Variants in PGM2 observed in about 807,000 individuals in gnomAD.
PGM2 encodes the protein phosphoglucomutase 2.
In PGM2, 57 loss-of-function variants were observed where a neutral mutation model predicts 74.6. The observed-to-expected ratio is 0.76, with a 90% CI of 0.62 to 0.95. The LOEUF is 0.95. PGM2 is among the 40% of genes least tolerant of loss of function. PGM2 has a pLI of 0.00. For synonymous variants in PGM2, 273 were observed against 260.7 expected (o/e 1.05, Z -0.46); for missense variants, 706 against 741.9 (o/e 0.95, Z 0.56).
intron 7 of PGM2, among the ~76,000 whole-genome samples, chr4:37,845,008 A>AT (rs1436791468): frequency 1.3e-5 from 2 of 151,310 alleles, no homozygotes; most frequent in Admixed American, 1.3e-4. Context: ...AGAAGTATGT[A>AT]TATTTGTTAG....
At chr4:37,840,677 G>A (rs545696015) in intron 6 of PGM2, among the ~76,000 whole-genome samples, 2 of 152,150 alleles carry the variant, frequency 1.3e-5, no homozygotes, top group South Asian at 4.2e-4. Flanking sequence ...GAGCCACCAC[G>A]CCCACCCAGC....
intron 6 of PGM2, among the ~76,000 whole-genome samples, chr4:37,841,188 G>GTGTGTGTGTGTGTGTGTGT (rs60419379): frequency 2.8e-5 from 4 of 141,322 alleles, no homozygotes; most frequent in Non-Finnish European, 3.0e-5. Context: ...GTGTGTGTGT[G>GTGTGTGTGTGTGTGTGTGT]GTTTGTTCTG....
At chr4:37,850,123 C>G (rs1725996416) in intron 11 of PGM2, 61 bp from the exon 12 acceptor site, 2 of 949,638 alleles carry the variant, frequency 2.1e-6, no homozygotes, top group Non-Finnish European at 3.2e-6. Flanking sequence ...GGTACATGTT[C>G]TGTGTCCACC....
chr4:37,858,626 A>C (rs924255647), intron 13 of PGM2, among the ~76,000 whole-genome samples: 3 of 151,902 alleles, frequency 2.0e-5, no homozygotes, highest in Non-Finnish European at 4.4e-5. Context: ...TTGGGATTAC[A>C]GGCGTGAGCC....
chr4:37,828,114 T>C (rs1560410208), intron 1 of PGM2, among the ~76,000 whole-genome samples: 1 of 152,206 alleles, frequency 6.6e-6, no homozygotes, highest in Non-Finnish European at 1.5e-5. Context: ...CAGGATGCTA[T>C]TGGCAACTCC....
At position 37,840,082 on chromosome 4, in the gene PGM2, G is replaced by A; in HGVS notation, c.542G>A (p.Gly181Glu). 6.2e-7 allele frequency: 1 copy of A among 1,613,638 alleles called. No individual in the cohort carries two copies. The highest frequency in any genetic ancestry group is 8.5e-7 in the Non-Finnish European group (1 of 1,179,660). ...GTCCTCTAGGTCTATTGGGATAATG[G>A]AGCTCAGATCATTTCTCCTCACGAT... The part of the protein sequence containing the change: ...DNGYKVYWDN[G>E]AQIISPHDKG... The change falls in exon 6 of 14, where the codon GGA becomes GAA. Residue 181 changes from glycine (G) to glutamate (E), a missense_variant. By Grantham distance (98) the Gly-to-Glu change is moderately conservative. Transcript: ENST00000381967.
intron 12 of PGM2, 57 bp from the exon 13 acceptor site, chr4:37,855,551 T>C (rs1306831303): frequency 7.5e-6 from 11 of 1,461,016 alleles, no homozygotes; most frequent in Non-Finnish European, 1.0e-5. Context: ...CAAGAGAAGA[T>C]ATTGGTTAGG....
chr4:37,828,914 G>A (rs1417427815), intron 1 of PGM2, among the ~76,000 whole-genome samples: 2 of 152,198 alleles, frequency 1.3e-5, no homozygotes, highest in African/African-American at 4.8e-5. Flanking sequence ...CAAAAAAGAT[G>A]GGGTTTACTT....
At chr4:37,830,894 G>C (rs145951668) in intron 2 of PGM2, among the ~76,000 whole-genome samples, 9 of 152,136 alleles carry the variant, frequency 5.9e-5, no homozygotes, top group African/African-American at 1.9e-4. Flanking sequence ...TTATCTAAGG[G>C]TATAGAATTA....
At chr4:37,859,128 A>G (rs1282652003) in intron 13 of PGM2, among the ~76,000 whole-genome samples, 2 of 152,186 alleles carry the variant, frequency 1.3e-5, no homozygotes, top group African/African-American at 4.8e-5. Context: ...AACATTTTGC[A>G]ATATTTGCTC....
In PGM2 at chr4:37,855,630, G is replaced by C; in HGVS notation, c.1625G>C (p.Ser542Thr). Residue 542 changes from serine (S) to threonine (T), a missense_variant, in exon 13 of 14, where the codon AGC (serine) becomes ACC (threonine). Transcript: ENST00000381967. Reference sequence around the variant, plus strand: ...TAGGTTCTTCCCACTAGTAAAAGCAGCCAAATGATCACCTTCACCTTTGCT... The same window carrying C: ...TAGGTTCTTCCCACTAGTAAAAGCACCCAAATGATCACCTTCACCTTTGCT... ...KKAVLPTSKS[S>T]QMITFTFANG... 6.2e-7 allele frequency: 1 copy of C among 1,613,888 alleles called. No homozygotes were observed. The highest frequency in any genetic ancestry group is 8.5e-7 in the Non-Finnish European group (1 of 1,179,908).
intron 6 of PGM2, among the ~76,000 whole-genome samples, chr4:37,841,158 T>TGTG (rs1577676435): frequency 5.9e-5 from 6 of 101,456 alleles, no homozygotes; most frequent in Non-Finnish European, 1.1e-4. Context: ...ATAGGAATAT[T>TGTG]TGTGTGTGTG....
chr4:37,854,361 C>A (rs981894898), intron 12 of PGM2, among the ~76,000 whole-genome samples: 2 of 147,938 alleles, frequency 1.4e-5, no homozygotes, highest in Non-Finnish European at 3.0e-5. Context: ...TTTTTCTTTT[C>A]TTTTTTGGAG....
At chr4:37,847,320 G>C in intron 10 of PGM2, 25 bp downstream of exon 10, 1 of 1,507,034 alleles carries the variant, frequency 6.6e-7, no homozygotes, top group South Asian at 1.1e-5. Context: ...TGAACATTAA[G>C]GAATTGGCTG....
At chr4:37,847,353 G>A in intron 10 of PGM2, 58 bp downstream of exon 10, 1 of 1,269,064 alleles carries the variant, frequency 7.9e-7, no homozygotes, top group Non-Finnish European at 1.1e-6. Flanking sequence ...AAAAGGTTTG[G>A]ATTGGGATTC....
At chr4:37,855,097 A>G (rs941547519) in intron 12 of PGM2, among the ~76,000 whole-genome samples, 3 of 152,200 alleles carry the variant, frequency 2.0e-5, no homozygotes, top group African/African-American at 4.8e-5. Flanking sequence ...ATTATTAACT[A>G]TAGTCACCGT....
intron 2 of PGM2, 30 bp downstream of exon 2, chr4:37,830,161 T>G (rs1725401917): frequency 7.1e-7 from 1 of 1,417,418 alleles, no homozygotes; most frequent in African/African-American, 1.4e-5. Flanking sequence ...TCTTAGTAAC[T>G]CAATGTATCC....
chr4:37,829,861 CAT>C (rs201372690), intron 1 of PGM2, 101 bp from the exon 2 acceptor site: 9,183 of 315,260 alleles, frequency 0.029, 165 homozygotes, highest in African/African-American at 0.079. Flanking sequence ...TATATATATA[CAT>C]ATATATATAT....
chr4:37,848,559 A>G lies in PGM2; in HGVS notation c.1320A>G (p.Gly440=). ...GCCCTTTTGTTCTGGACAAAGATGG[A>G]GTCAGTGCCGCTGTCATAAGTGCAG... ...MCCPFVLDKD[G]VSAAVISAEL... is the part of the protein sequence containing the mutation. The change falls in exon 11 of 14, where the codon GGA becomes GGG. Residue 440 remains glycine (G), a synonymous_variant. Coordinates refer to ENST00000381967, the MANE Select transcript of PGM2 (RefSeq NM_018290.4). 2 of 1,613,594 alleles carry G rather than the reference A, an allele frequency of 1.2e-6. No homozygotes were observed. The highest frequency in any genetic ancestry group is 1.7e-6 in the Non-Finnish European group (2 of 1,179,498).
Sources: allele counts gnomAD v4.1 joint callset (sites outside exome capture counted in the v4.1 genomes callset), GRCh38; gene constraint gnomAD v4.1.1; transcripts MANE v1.5; gene names NCBI Gene and HGNC (gene_info 2026-07-23, HGNC 2026-07-21).